The following FER variants were observed in gnomAD, a reference collection of about 807,000 sequenced individuals.
FER encodes tyrosine-protein kinase Fer.
Under a neutral mutation model 111.0 loss-of-function variants are expected in FER, and 63 were observed. The ratio of observed to expected loss-of-function variants is 0.57; its 90% confidence interval spans 0.46 to 0.70. FER has a LOEUF of 0.70. FER is among the 30% of genes least tolerant of loss of function. The pLI, the probability that FER is intolerant of heterozygous loss-of-function variation, is 0.00. For synonymous variants in FER, 327 were observed against 313.9 expected (o/e 1.04, Z -0.44); for missense variants, 914 against 954.0 (o/e 0.96, Z 0.55).
At chr5:109,052,336 A>G (rs927645728) in intron 16 of FER, 2 of 1,599,930 alleles carry the variant, frequency 1.3e-6, no homozygotes, top group Non-Finnish European at 8.6e-7. Flanking sequence ...GGCTGACTCA[A>G]CCACTGTCTT....
intron 16 of FER, among the ~76,000 whole-genome samples, chr5:109,066,558 A>T (rs1775114886): frequency 6.6e-6 from 1 of 152,216 alleles, no homozygotes; most frequent in Non-Finnish European, 1.5e-5. Flanking sequence ...TATTTCAAAA[A>T]TAGTTGAAAC....
At chr5:108,885,761 A>G (rs903240946) in intron 9 of FER, among the ~76,000 whole-genome samples, 5 of 151,858 alleles carry the variant, frequency 3.3e-5, no homozygotes, top group African/African-American at 1.2e-4. Flanking sequence ...TTGGCAGCAT[A>G]CAAACATTCA....
chr5:108,988,641 C>T (rs1352175973), intron 13 of FER, among the ~76,000 whole-genome samples: 1 of 152,070 alleles, frequency 6.6e-6, no homozygotes, highest in Non-Finnish European at 1.5e-5. Flanking sequence ...TCTCCCATTT[C>T]AATTATAATT....
chr5:108,776,928 C>T (rs1753558259), intron 2 of FER, among the ~76,000 whole-genome samples: 1 of 152,232 alleles, frequency 6.6e-6, no homozygotes, highest in Non-Finnish European at 1.5e-5. Context: ...TAATAACATG[C>T]ATACACTTTT....
At chr5:109,007,475 A>G (rs560222997) in intron 13 of FER, among the ~76,000 whole-genome samples, 1 of 152,304 alleles carries the variant, frequency 6.6e-6, no homozygotes, top group South Asian at 2.1e-4. Flanking sequence ...TAGTCAACCC[A>G]GCTACTTACC....
At chr5:108,759,049 G>C (rs947570699) in intron 1 of FER, among the ~76,000 whole-genome samples, 2 of 152,210 alleles carry the variant, frequency 1.3e-5, no homozygotes, top group Admixed American at 6.5e-5. Flanking sequence ...AGGATCTCTG[G>C]ATAATTTCTT....
chr5:108,762,376 A>G (rs946879208), intron 1 of FER, among the ~76,000 whole-genome samples: 27 of 152,296 alleles, frequency 1.8e-4, no homozygotes, highest in African/African-American at 5.8e-4. Flanking sequence ...AGAAATACCT[A>G]TAATCTGACT....
intron 10 of FER, among the ~76,000 whole-genome samples, chr5:108,916,370 G>A (rs1021750493): frequency 3.3e-4 from 50 of 152,118 alleles, no homozygotes; most frequent in Middle Eastern, 3.4e-3. Flanking sequence ...GATTCCCAAA[G>A]TTTTTATTGG....
rs570253483 is a variant in FER at position 109,045,140 on chromosome 5, G to A, written c.1829+345G>A. Among the ~76,000 whole-genome samples the A allele has an allele frequency of 7.2e-5, 11 of 151,938 alleles. No individual in the cohort carries two copies. In the South Asian group the frequency reaches 2.3e-3, roughly 31 times the overall value. ...CTGTACAGCTCACATATACATTTAA[G>A]TAGATAATTACATCTGTCCTACCCT... On this transcript the variant is annotated intron_variant, in intron 15 of 19. Coordinates refer to ENST00000281092, the MANE Select transcript of FER (RefSeq NM_005246.4).
chr5:108,861,774 A>C (rs1355169383), intron 5 of FER, among the ~76,000 whole-genome samples: 2 of 152,164 alleles, frequency 1.3e-5, no homozygotes, highest in Non-Finnish European at 2.9e-5. Context: ...AATTTTGTTA[A>C]GTAAAAGGAA....
At chr5:109,164,394 C>G (rs1224070394) in intron 17 of FER, among the ~76,000 whole-genome samples, 1 of 152,144 alleles carries the variant, frequency 6.6e-6, no homozygotes, top group Non-Finnish European at 1.5e-5. Flanking sequence ...CTAAGTTGCT[C>G]TTTGCTTAGA....
chr5:109,145,370 A>T (rs2126654470), intron 17 of FER, among the ~76,000 whole-genome samples: 1 of 152,158 alleles, frequency 6.6e-6, no homozygotes, highest in East Asian at 1.9e-4. Context: ...GCTTTACAAC[A>T]ACATGAGGAA....
chr5:109,006,843 C>T (rs1765562021), intron 13 of FER, among the ~76,000 whole-genome samples: 2 of 152,110 alleles, frequency 1.3e-5, no homozygotes, highest in South Asian at 4.1e-4. Context: ...AAAAATCTTA[C>T]CTGCCTCACC....
chr5:109,142,109 C>A (rs1053925500), intron 17 of FER, among the ~76,000 whole-genome samples: 4 of 152,030 alleles, frequency 2.6e-5, no homozygotes, highest in Non-Finnish European at 4.4e-5. Flanking sequence ...GAAGAAAAGG[C>A]ATTCATAATC....
rs556171680 is a variant in FER, at chr5:109,087,014, G to A, written c.1925-13382G>A. 6.1e-5 allele frequency among the ~76,000 whole-genome samples: 9 copies of A among 146,760 alleles called. No homozygotes were observed. The South Asian group carries it at 1.6e-3, about 25-fold the overall frequency. The stretch of plus-strand genomic sequence containing the variant: ...TCATACTAGATTAGGGCTTACCCTG[G>A]GGACTTCATTTTACCTGAATTCTCT... On this transcript the variant is annotated intron_variant, in intron 16 of 19. Transcript: ENST00000281092.
At chr5:108,974,685 C>A (rs1428790003) in intron 13 of FER, among the ~76,000 whole-genome samples, 1 of 152,120 alleles carries the variant, frequency 6.6e-6, no homozygotes, top group Non-Finnish European at 1.5e-5. Flanking sequence ...CTTGTACTCA[C>A]AAGTATTCTT....
chr5:108,817,486 A>C (rs1758406592), intron 3 of FER, among the ~76,000 whole-genome samples: 2 of 152,232 alleles, frequency 1.3e-5, no homozygotes, highest in African/African-American at 4.8e-5. Flanking sequence ...AAAAAAATTC[A>C]AGCAAAAAGA....
chr5:108,880,061 G>A (rs1472811562), intron 8 of FER, among the ~76,000 whole-genome samples: 1 of 151,944 alleles, frequency 6.6e-6, no homozygotes, highest in Non-Finnish European at 1.5e-5. Context: ...CTTCTTTGAT[G>A]TCTGTCTAGT....
At chr5:108,811,827 A>G (rs1055200551) in intron 3 of FER, among the ~76,000 whole-genome samples, 3 of 152,124 alleles carry the variant, frequency 2.0e-5, no homozygotes, top group African/African-American at 7.2e-5. Context: ...GAGGAGATGA[A>G]TATCTGTTCT....
Sources: allele counts gnomAD v4.1 joint callset (sites outside exome capture counted in the v4.1 genomes callset), GRCh38; gene constraint gnomAD v4.1.1; transcripts MANE v1.5; gene names NCBI Gene and HGNC (gene_info 2026-07-23, HGNC 2026-07-21).